The following CCDC7 variants were observed in gnomAD, a reference collection of about 807,000 sequenced individuals.
CCDC7 encodes coiled-coil domain containing 7.
CCDC7 carries 183 observed loss-of-function variants against 196.9 expected under a neutral mutation model. The observed-to-expected ratio is 0.93, with a 90% CI of 0.82 to 1.05. CCDC7 has a LOEUF of 1.05. Among genes scored for constraint, CCDC7 ranks in the 50% least tolerant of loss-of-function variants. CCDC7 has a pLI of 0.00. For synonymous variants in CCDC7, 525 were observed against 484.6 expected (o/e 1.08, Z -1.10); for missense variants, 1,540 against 1,482.2 (o/e 1.04, Z -0.64).
chr10:32,664,544 C>G (rs1351214141), intron 21 of CCDC7, among the ~76,000 whole-genome samples: 1 of 152,062 alleles, frequency 6.6e-6, no homozygotes, highest in Non-Finnish European at 1.5e-5. Flanking sequence ...CTCTCTGTTC[C>G]TATGAACTTG....
intron 13 of CCDC7, among the ~76,000 whole-genome samples, chr10:32,555,937 G>A (rs1395182745): frequency 6.6e-6 from 1 of 152,126 alleles, no homozygotes; most frequent in Non-Finnish European, 1.5e-5. Context: ...TATCTTCCAG[G>A]ATGATAGCTC....
chr10:32,562,823 A>G (rs989874794), intron 13 of CCDC7, among the ~76,000 whole-genome samples: 2 of 152,186 alleles, frequency 1.3e-5, no homozygotes, highest in Non-Finnish European at 2.9e-5. Flanking sequence ...AGAAGGAAAT[A>G]AAGGGTATTC....
chr10:32,459,605 A>G (rs1027047440), intron 3 of CCDC7, among the ~76,000 whole-genome samples: 1 of 149,392 alleles, frequency 6.7e-6, no homozygotes, highest in Non-Finnish European at 1.5e-5. Context: ...TCAGAGTTCT[A>G]ACAAAATTGG....
intron 28 of CCDC7, among the ~76,000 whole-genome samples, chr10:32,742,231 T>A (rs1461235378): frequency 6.6e-6 from 1 of 152,176 alleles, no homozygotes; most frequent in Non-Finnish European, 1.5e-5. Flanking sequence ...GAGCAGAAAG[T>A]ACAGATTTCC....
At chr10:32,777,751 C>G (rs1033461022) in intron 28 of CCDC7, among the ~76,000 whole-genome samples, 8 of 152,102 alleles carry the variant, frequency 5.3e-5, no homozygotes, top group Non-Finnish European at 8.8e-5. Context: ...GTAATCCCAG[C>G]TACTCTGGAG....
intron 9 of CCDC7, among the ~76,000 whole-genome samples, chr10:32,497,647 G>A (rs891170856): frequency 6.6e-6 from 1 of 152,058 alleles, no homozygotes; most frequent in Non-Finnish European, 1.5e-5. Flanking sequence ...ATTTCATTAT[G>A]TACCCAGTAG....
At chr10:32,517,235 C>T (rs2047166044) in intron 9 of CCDC7, among the ~76,000 whole-genome samples, 1 of 151,810 alleles carries the variant, frequency 6.6e-6, no homozygotes, top group African/African-American at 2.4e-5. Context: ...ATCATTAGCG[C>T]TTAAAAAAAC....
rs1427107197 is a variant in CCDC7 at position 32,703,047 on chromosome 10, A to G, written c.2458+8055A>G. Among the ~76,000 whole-genome samples the G allele has an allele frequency of 3.3e-5, 5 of 152,128 alleles. No homozygotes were observed. The East Asian group carries it at 7.7e-4, about 23-fold the overall frequency. Reference sequence around the variant, plus strand: ...GTTAATATTGTTATGTGTGAATTTGATCCTGTCATTATGATGTTAGCTGGT... The same window carrying G: ...GTTAATATTGTTATGTGTGAATTTGGTCCTGTCATTATGATGTTAGCTGGT... On this transcript the variant is annotated intron_variant, in intron 24 of 41. Coordinates refer to ENST00000639629, the Ensembl canonical transcript of CCDC7.
intron 11 of CCDC7, among the ~76,000 whole-genome samples, chr10:32,523,520 G>T (rs1589495142): frequency 1.3e-5 from 2 of 150,476 alleles, no homozygotes; most frequent in East Asian, 3.9e-4. Context: ...CTGCACACCA[G>T]CCTGGGTGAC....
intron 21 of CCDC7, among the ~76,000 whole-genome samples, chr10:32,677,986 TCTGCTTTTGAG>T (rs2075293400): frequency 6.6e-6 from 1 of 152,090 alleles, no homozygotes; most frequent in Non-Finnish European, 1.5e-5. Context: ...CTTGATAAAG[TCTGCTTTTGAG>T]GCTATCTATG....
intron 9 of CCDC7, among the ~76,000 whole-genome samples, chr10:32,504,940 AAG>A (rs2044650058): frequency 1.3e-5 from 2 of 152,206 alleles, no homozygotes; most frequent in Admixed American, 1.3e-4. Flanking sequence ...AGTATCGTTC[AAG>A]TCCGATGTTT....
chr10:32,715,984 A>T (rs556380470), intron 25 of CCDC7, among the ~76,000 whole-genome samples: 2 of 152,302 alleles, frequency 1.3e-5, no homozygotes, highest in African/African-American at 2.4e-5. Context: ...ATGCTGCAGG[A>T]TATTATCCAG....
intron 18 of CCDC7, among the ~76,000 whole-genome samples, chr10:32,622,919 G>A (rs78699421): frequency 8.5e-4 from 130 of 152,098 alleles, no homozygotes; most frequent in African/African-American, 2.8e-3. Flanking sequence ...GCATTGCAAG[G>A]TTGGCTTAAC....
intron 20 of CCDC7, among the ~76,000 whole-genome samples, chr10:32,646,092 T>G (rs976696827): frequency 6.6e-6 from 1 of 151,808 alleles, no homozygotes; most frequent in African/African-American, 2.4e-5. Context: ...TCTTTTTTTT[T>G]TAGTTCTTTG....
chr10:32,728,905 A>T lies in CCDC7; in HGVS notation c.2687A>T (p.Asn896Ile), dbSNP rs748852951. The T allele has an allele frequency of 2.0e-5, 32 of 1,603,624 alleles. No individual in the cohort carries two copies. In the Middle Eastern group the frequency reaches 5.2e-4, roughly 26 times the overall value. ...GATATAGCTCGTATTGTAGTACCAA[A>T]TGAAAATGTGATTTCTGTTCATCAA... The change falls in exon 27 of 42, where the codon AAT (asparagine) becomes ATT (isoleucine). Residue 896 changes from asparagine to isoleucine, a missense_variant. Physicochemically the swap from Asn to Ile is moderately radical, Grantham distance 149. Coordinates refer to ENST00000639629, the Ensembl canonical transcript of CCDC7.
At chr10:32,657,330 C>T (rs1460869989) in intron 20 of CCDC7, among the ~76,000 whole-genome samples, 1 of 152,254 alleles carries the variant, frequency 6.6e-6, no homozygotes, top group Non-Finnish European at 1.5e-5. Context: ...AGCAGAGGTT[C>T]TCCGTGAATG....
At chr10:32,663,840 G>A (rs7089887) in intron 20 of CCDC7, among the ~76,000 whole-genome samples, 60,197 of 151,642 alleles carry the variant, frequency 0.4, 12,193 homozygotes, top group East Asian at 0.58. Flanking sequence ...AATATTTGAT[G>A]CCAAGAAATA....
intron 32 of CCDC7, among the ~76,000 whole-genome samples, chr10:32,830,619 C>A (rs1029526337): frequency 6.6e-6 from 1 of 151,944 alleles, no homozygotes; most frequent in Admixed American, 6.6e-5. Context: ...TACGATTGAA[C>A]GTATTTATGG....
chr10:32,448,366 G>A (rs1215782575), upstream of CCDC7, among the ~76,000 whole-genome samples: 3 of 151,588 alleles, frequency 2.0e-5, no homozygotes, highest in African/African-American at 7.3e-5. Context: ...TTCTTTTCCA[G>A]CGGGGTGTCA....
Sources: allele counts gnomAD v4.1 joint callset (sites outside exome capture counted in the v4.1 genomes callset), GRCh38; gene constraint gnomAD v4.1.1; transcripts MANE v1.5; gene names NCBI Gene and HGNC (gene_info 2026-07-23, HGNC 2026-07-21).